PPP2R3A: variants seen among roughly 807,000 people sequenced by gnomAD.
PPP2R3A encodes serine/threonine-protein phosphatase 2A regulatory subunit B'' subunit alpha.
PPP2R3A carries 80 observed loss-of-function variants against 106.9 expected under a neutral mutation model. The observed-to-expected ratio is 0.75, with a 90% CI of 0.62 to 0.90. PPP2R3A has a LOEUF of 0.90. Ranked by LOEUF, PPP2R3A falls within the 40% of genes least tolerant of loss-of-function variation. The pLI, the probability that PPP2R3A is intolerant of heterozygous loss-of-function variation, is 0.00. For missense variants in PPP2R3A, 1,386 were observed against 1,350.4 expected (o/e 1.03, Z -0.41); for synonymous variants, 483 against 468.3 (o/e 1.03, Z -0.41).
At chr3:136,137,533 G>GTTTTTTTTTTTTTTT (rs1559941176) in intron 13 of PPP2R3A, among the ~76,000 whole-genome samples, 3 of 38,432 alleles carry the variant, frequency 7.8e-5, no homozygotes, top group Admixed American at 6.2e-4. Flanking sequence ...CTCTGTCAGA[G>GTTTTTTTTTTTTTTT]ATTTTTTTTT....
At chr3:135,985,360 T>TTCCCTCTCTCCCTTCCTCTC (rs1429210294) in intron 1 of PPP2R3A, among the ~76,000 whole-genome samples, 20 of 132,778 alleles carry the variant, frequency 1.5e-4, no homozygotes, top group Non-Finnish European at 2.9e-4. Context: ...CCCGCCCTCT[T>TTCCCTCTCTCCCTTCCTCTC]TCCCTCTCTC....
intron 13 of PPP2R3A, among the ~76,000 whole-genome samples, chr3:136,138,448 C>T (rs1440958362): frequency 6.6e-6 from 1 of 152,136 alleles, no homozygotes; most frequent in Non-Finnish European, 1.5e-5. Context: ...GAAGTGAAAT[C>T]TACTTCCTGG....
At chr3:136,092,083 C>G (rs1238797306) in intron 10 of PPP2R3A, among the ~76,000 whole-genome samples, 1 of 152,110 alleles carries the variant, frequency 6.6e-6, no homozygotes, top group Non-Finnish European at 1.5e-5. Context: ...AATTTCAGCA[C>G]TTTGGGAGGC....
At chr3:136,020,604 C>T (rs1934431922) in intron 2 of PPP2R3A, among the ~76,000 whole-genome samples, 2 of 151,876 alleles carry the variant, frequency 1.3e-5, no homozygotes, top group South Asian at 2.1e-4. Flanking sequence ...TTTAGAACAG[C>T]TTTTCTTTTC....
intron 9 of PPP2R3A, among the ~76,000 whole-genome samples, chr3:136,090,216 G>A (rs1937061335): frequency 6.6e-6 from 1 of 152,100 alleles, no homozygotes; most frequent in Admixed American, 6.5e-5. Flanking sequence ...TGTCCATTCA[G>A]TATAATGCTA....
chr3:136,058,944 A>G (rs1935977308), intron 5 of PPP2R3A, among the ~76,000 whole-genome samples: 1 of 152,234 alleles, frequency 6.6e-6, no homozygotes, highest in Non-Finnish European at 1.5e-5. Context: ...AGCCACATGC[A>G]GATTAAAACT....
At position 136,040,854 on chromosome 3, in the gene PPP2R3A, T is replaced by C. The variant is rs746800350; in HGVS notation, c.2263-5T>C. 5 of 1,609,754 alleles carry C rather than the reference T, an allele frequency of 3.1e-6. No homozygotes were observed. In the South Asian group the frequency reaches 5.6e-5, roughly 18 times the overall value. ...GCTTACCCTGTATGTGTTTTCTATTTGCAGGTCTGTGGCTGTCCTCTCTAT... is the reference window on the plus strand; with the variant it reads ...GCTTACCCTGTATGTGTTTTCTATTCGCAGGTCTGTGGCTGTCCTCTCTAT... On this transcript the variant is annotated splice_region_variant and splice_polypyrimidine_tract_variant and intron_variant, in intron 3 of 13. Coordinates refer to ENST00000264977, the MANE Select transcript of PPP2R3A (RefSeq NM_002718.5).
intron 2 of PPP2R3A, among the ~76,000 whole-genome samples, chr3:136,004,556 A>G (rs1933778023): frequency 6.6e-6 from 1 of 152,236 alleles, no homozygotes; most frequent in African/African-American, 2.4e-5. Flanking sequence ...TTTGTTAAGC[A>G]CTGCCCCTAC....
chr3:135,977,167 A>G (rs990270778), intron 1 of PPP2R3A, among the ~76,000 whole-genome samples: 3 of 152,188 alleles, frequency 2.0e-5, no homozygotes, highest in Admixed American at 6.5e-5. Context: ...AAGCATAGCA[A>G]TACAATGAAC....
At chr3:136,140,749 A>C (rs1938835517) in intron 13 of PPP2R3A, among the ~76,000 whole-genome samples, 1 of 138,604 alleles carries the variant, frequency 7.2e-6, no homozygotes, top group African/African-American at 2.7e-5. Context: ...ACTCAGTCTC[A>C]AAAAAAAAAA....
At chr3:136,113,862 A>T in intron 13 of PPP2R3A, among the ~76,000 whole-genome samples, 1 of 152,142 alleles carries the variant, frequency 6.6e-6, no homozygotes. Flanking sequence ...GGGAAATAAC[A>T]TTCTCGACAT....
chr3:136,068,872 A>G (rs1334326830), intron 5 of PPP2R3A, among the ~76,000 whole-genome samples: 1 of 152,214 alleles, frequency 6.6e-6, no homozygotes, highest in Admixed American at 6.5e-5. Context: ...TGTATTACGT[A>G]TGCCCAGTGA....
chr3:135,979,999 A>G (rs1170275032), intron 1 of PPP2R3A, among the ~76,000 whole-genome samples: 1 of 151,864 alleles, frequency 6.6e-6, no homozygotes, highest in African/African-American at 2.4e-5. Flanking sequence ...TTTAGTAAGT[A>G]CAGCCGCCAT....
intron 6 of PPP2R3A, among the ~76,000 whole-genome samples, chr3:136,078,014 G>T (rs2107922680): frequency 6.6e-6 from 1 of 152,232 alleles, no homozygotes; most frequent in Admixed American, 6.5e-5. Context: ...CAACCCAGGA[G>T]ATACTTCCCA....
chr3:136,002,701 T>A lies in PPP2R3A; in HGVS notation c.1203T>A (p.Asn401Lys), dbSNP rs1933682439. Residue 401 changes from asparagine (N) to lysine (K), a missense_variant, in exon 2 of 14, where the codon AAT becomes AAA. Transcript: ENST00000264977. The part of the protein sequence containing the change: ...VQVQSQSLTM[N>K]PLENVSSDDL... Reference sequence around the variant, plus strand: ...TCCAATCACAGTCATTAACCATGAATCCTTTAGAAAATGTTTCTTCTGACG... The same window carrying A: ...TCCAATCACAGTCATTAACCATGAAACCTTTAGAAAATGTTTCTTCTGACG... 1 of 1,613,280 alleles carries A rather than the reference T, an allele frequency of 6.2e-7. No individual in the cohort carries two copies. The highest frequency in any genetic ancestry group is 1.3e-5 in the African/African-American group (1 of 74,968).
chr3:136,004,601 A>G (rs1260693551), intron 2 of PPP2R3A, among the ~76,000 whole-genome samples: 1 of 152,254 alleles, frequency 6.6e-6, no homozygotes, highest in Non-Finnish European at 1.5e-5. Context: ...ACATGTATGA[A>G]TTCAGACATA....
intron 5 of PPP2R3A, among the ~76,000 whole-genome samples, chr3:136,063,951 T>C (rs1033272982): frequency 6.7e-6 from 1 of 150,056 alleles, no homozygotes; most frequent in Non-Finnish European, 1.5e-5. Context: ...CATGCTGCTA[T>C]AAAGACACAC....
chr3:136,113,427 A>G (rs1937627433), intron 13 of PPP2R3A, among the ~76,000 whole-genome samples: 1 of 152,192 alleles, frequency 6.6e-6, no homozygotes, highest in Non-Finnish European at 1.5e-5. Context: ...GGCTAATCAT[A>G]TGCATTAGAT....
At chr3:135,969,276 T>C (rs1285277034) in intron 1 of PPP2R3A, among the ~76,000 whole-genome samples, 3 of 152,156 alleles carry the variant, frequency 2.0e-5, no homozygotes, top group African/African-American at 7.2e-5. Context: ...AGGTGGTGGC[T>C]GAGAGAAAAG....
Sources: gnomAD v4.1 joint callset for allele counts (sites outside exome capture counted in the v4.1 genomes callset) on GRCh38, gnomAD v4.1.1 for gene constraint, MANE v1.5 for transcripts, NCBI Gene and HGNC (gene_info 2026-07-23, HGNC 2026-07-21) for gene names.